ACSM3: variants seen among roughly 807,000 people sequenced by gnomAD.
ACSM3 encodes acyl-coenzyme A synthetase ACSM3, mitochondrial.
Under a neutral mutation model 74.1 loss-of-function variants are expected in ACSM3, and 61 were observed. The ratio of observed to expected loss-of-function variants is 0.82; its 90% CI spans 0.67 to 1.02. The LOEUF (loss-of-function observed/expected upper bound fraction) is 1.02, where lower values mean the gene tolerates loss of function less well. Among genes scored for constraint, ACSM3 ranks in the 50% least tolerant of loss-of-function variants. The probability of loss-of-function intolerance (pLI) is 0.00; values close to 1 mark genes in which losing one functional copy is unlikely to be tolerated. For synonymous variants in ACSM3, 213 were observed against 241.5 expected (o/e 0.88, Z 1.09); for missense variants, 660 against 697.0 (o/e 0.95, Z 0.60).
intron 1 of ACSM3, chr16:20,764,815 A>G (rs2152448920): frequency 6.6e-6 from 1 of 152,386 alleles, no homozygotes; most frequent in Admixed American, 6.5e-5. Context: ...CATCTTCTGC[A>G]TCATCCAGAA....
chr16:20,711,739 C>T, intron 1 of ACSM3: 1 of 404,770 alleles, frequency 2.5e-6, no homozygotes, highest in South Asian at 2.1e-5. Context: ...ATTGCTACAT[C>T]TTGGAATATC....
At chr16:20,734,836 T>A (rs2079855752) in intron 1 of ACSM3, 1 of 152,204 alleles carries the variant, frequency 6.6e-6, no homozygotes, top group African/African-American at 2.4e-5. Flanking sequence ...TCTAGGACTG[T>A]CAGACTAGGG....
At chr16:20,739,452 T>C (rs1199016910) in intron 1 of ACSM3, among the ~76,000 whole-genome samples, 6 of 152,092 alleles carry the variant, frequency 3.9e-5, no homozygotes, top group Non-Finnish European at 8.8e-5. Context: ...ATTACAGGTG[T>C]GAGCTACCAT....
In ACSM3 at chr16:20,781,372, A is replaced by G. The variant is rs183532889; in HGVS notation, c.939+242A>G. Among the ~76,000 whole-genome samples the G allele has an allele frequency of 2.8e-3, 429 of 152,326 alleles. 1 individual carries two copies. The highest frequency in any genetic ancestry group is 5.1e-3 in the Non-Finnish European group (344 of 68,030). ...TTTGGGGAGAAAAACCAAAAACAAAATACAACAATTAAAAAAATGCAAATA... is the reference window on the plus strand; with the variant it reads ...TTTGGGGAGAAAAACCAAAAACAAAGTACAACAATTAAAAAAATGCAAATA... On this transcript the variant is annotated intron_variant, in intron 6 of 13. Transcript: ENST00000289416.
At chr16:20,789,827 C>T (rs2080557303) in intron 9 of ACSM3, among the ~76,000 whole-genome samples, 1 of 151,770 alleles carries the variant, frequency 6.6e-6, no homozygotes, top group African/African-American at 2.4e-5. Flanking sequence ...GTGCCCACCA[C>T]CATGCCTGGC....
intron 9 of ACSM3, among the ~76,000 whole-genome samples, chr16:20,787,708 T>C (rs910570068): frequency 2.0e-5 from 3 of 152,240 alleles, no homozygotes; most frequent in African/African-American, 7.2e-5. Flanking sequence ...TGTGGAAACC[T>C]GGTCTCAAGA....
chr16:20,721,301 G>A (rs1007722851), intron 1 of ACSM3: 11 of 152,402 alleles, frequency 7.2e-5, no homozygotes, highest in Middle Eastern at 3.4e-3. Flanking sequence ...GTGTGCAGAT[G>A]TGAATAAATG....
intron 1 of ACSM3, among the ~76,000 whole-genome samples, chr16:20,722,437 G>A (rs2079789062): frequency 6.6e-6 from 1 of 152,190 alleles, no homozygotes; most frequent in Non-Finnish European, 1.5e-5. Flanking sequence ...AACTTCTCCA[G>A]AAGGAGGAGC....
intron 9 of ACSM3, chr16:20,789,360 T>C: frequency 1.3e-6 from 1 of 766,156 alleles, no homozygotes; most frequent in South Asian, 1.7e-5. Context: ...TACTTAAAGG[T>C]TTAGCATTAA....
chr16:20,724,002 T>C (rs969038367), intron 1 of ACSM3, among the ~76,000 whole-genome samples: 4 of 152,260 alleles, frequency 2.6e-5, no homozygotes, highest in Admixed American at 6.5e-5. Context: ...TCTAGGGCTT[T>C]TATGGTTTTA....
At chr16:20,755,832 G>A (rs1596501461) in intron 3 of ACSM3, among the ~76,000 whole-genome samples, 1 of 125,658 alleles carries the variant, frequency 8.0e-6, no homozygotes, top group East Asian at 2.3e-4. Flanking sequence ...CCCTTCCTGT[G>A]TCCATGTGTT....
intron 1 of ACSM3, among the ~76,000 whole-genome samples, chr16:20,768,347 G>C (rs1596509498): frequency 6.6e-6 from 1 of 152,194 alleles, no homozygotes; most frequent in East Asian, 1.9e-4. Flanking sequence ...TCATGCCATA[G>C]ACTGGTGCTT....
In ACSM3 at chr16:20,774,689, G is replaced by T. The variant is rs193014537; in HGVS notation, c.220-1150G>T. Reference sequence around the variant, plus strand: ...TTTACATTCAAGATTGTTATTGATAGGTGTTATTTTGTTCATCATAAGGGT... The same window carrying T: ...TTTACATTCAAGATTGTTATTGATATGTGTTATTTTGTTCATCATAAGGGT... On this transcript the variant is annotated intron_variant, in intron 2 of 13. Transcript: ENST00000289416. 4.6e-3 allele frequency among the ~76,000 whole-genome samples: 693 copies of T among 152,282 alleles called. 6 individuals are homozygous for T. The highest frequency in any genetic ancestry group is 0.015 in the African/African-American group (642 of 41,570).
intron 1 of ACSM3, chr16:20,741,470 C>T: frequency 2.8e-6 from 4 of 1,449,892 alleles, no homozygotes; most frequent in Non-Finnish European, 3.7e-6. Context: ...TCCCGCAAGG[C>T]CTGGCAGCCG....
At chr16:20,724,624 G>T (rs1483389138) in intron 1 of ACSM3, among the ~76,000 whole-genome samples, 1 of 152,186 alleles carries the variant, frequency 6.6e-6, no homozygotes, top group East Asian at 1.9e-4. Flanking sequence ...TGTGTATCTA[G>T]AAAACCCCAT....
intron 1 of ACSM3, chr16:20,711,819 A>C: frequency 3.1e-6 from 1 of 324,318 alleles, no homozygotes; most frequent in Non-Finnish European, 6.0e-6. Flanking sequence ...TTACCTAATA[A>C]CCAGATTTAA....
chr16:20,731,836 TTATATAGG>T (rs1331431047), intron 1 of ACSM3: 1 of 242,230 alleles, frequency 4.1e-6, no homozygotes, highest in East Asian at 1.2e-4. Context: ...TAGTAGCTCA[TTATATAGG>T]TAGAGGGCAC....
intron 1 of ACSM3, among the ~76,000 whole-genome samples, chr16:20,701,992 G>A (rs970614876): frequency 3.3e-5 from 5 of 152,134 alleles, no homozygotes; most frequent in African/African-American, 9.7e-5. Flanking sequence ...AAATAGTGCT[G>A]CAATAAACAT....
At chr16:20,714,439 T>C (rs2079754124) in intron 1 of ACSM3, among the ~76,000 whole-genome samples, 1 of 152,072 alleles carries the variant, frequency 6.6e-6, no homozygotes, top group Non-Finnish European at 1.5e-5. Context: ...TTAAATTAAA[T>C]AGATTTATCT....
Sources: allele counts gnomAD v4.1 joint callset (sites outside exome capture counted in the v4.1 genomes callset), GRCh38; gene constraint gnomAD v4.1.1; transcripts MANE v1.5; gene names NCBI Gene and HGNC (gene_info 2026-07-23, HGNC 2026-07-21).